RARB: variants seen among roughly 807,000 people sequenced by gnomAD.
The protein encoded by RARB is retinoic acid receptor beta.
RARB carries 17 observed loss-of-function variants against 51.9 expected under a neutral mutation model. That is an observed-to-expected ratio of 0.33 (90% CI 0.22 to 0.49). The LOEUF (loss-of-function observed/expected upper bound fraction) is 0.49. RARB is among the 20% of genes least tolerant of loss of function. The pLI, the probability that RARB is intolerant of heterozygous loss-of-function variation, is 0.99. For synonymous variants in RARB, 215 were observed against 195.4 expected (o/e 1.10, Z -0.84); for missense variants, 369 against 550.8 (o/e 0.67, Z 3.30).
chr3:25,224,741 G>A (rs1244340010), intron 5 of RARB, among the ~76,000 whole-genome samples: 2 of 152,002 alleles, frequency 1.3e-5, no homozygotes, highest in Non-Finnish European at 2.9e-5. Context: ...CCAAGTAGAT[G>A]AGACTACAGG....
Position 24,989,774 on chromosome 3 carries a change from C to CTTTTTTTTTTTTTTTTTTT in RARB, c.-379-70333_-379-70315dup, listed in dbSNP as rs769275874. Among the ~76,000 whole-genome samples, 17 of 29,532 alleles carry CTTTTTTTTTTTTTTTTTTT rather than the reference C, an allele frequency of 5.8e-4. 2 individuals are homozygous for CTTTTTTTTTTTTTTTTTTT. The highest frequency in any genetic ancestry group is 1.2e-3 in the East Asian group (1 of 838). The allele number at this position is 29,532 out of a possible 152,430, so 19.4% of individuals were successfully genotyped here. A position where few individuals can be genotyped will look rare whatever the true frequency, so the allele number is the denominator to read the frequency against. ...ATTTTAACTGTTGTCATATGTTTTTCTTTTTTTTTTTTTTTTTTTTTTTTT... is the reference window on the plus strand; with the variant it reads ...ATTTTAACTGTTGTCATATGTTTTTCTTTTTTTTTTTTTTTTTTTTTTTTTTTTTTTTTTTTTTTTTTTT... On this transcript the variant is annotated intron_variant, in intron 2 of 11. Coordinates refer to the RARB transcript ENST00000383772.
At chr3:24,919,219 C>T (rs1011437084) in intron 2 of RARB, among the ~76,000 whole-genome samples, 2 of 152,206 alleles carry the variant, frequency 1.3e-5, no homozygotes, top group African/African-American at 2.4e-5. Flanking sequence ...TATTTCACTA[C>T]TTTTTGGCTC....
intron 5 of RARB, among the ~76,000 whole-genome samples, chr3:25,417,487 G>A (rs562722018): frequency 6.6e-6 from 1 of 152,272 alleles, no homozygotes; most frequent in East Asian, 1.9e-4. Flanking sequence ...CTGTTCTCCT[G>A]ATAGTGAATA....
At chr3:25,415,914 A>G (rs111396890) in intron 5 of RARB, among the ~76,000 whole-genome samples, 1 of 152,182 alleles carries the variant, frequency 6.6e-6, no homozygotes, top group Non-Finnish European at 1.5e-5. Flanking sequence ...TACTTTTTTT[A>G]TGATAGACAT....
chr3:25,171,651 A>AAAAAAAAAAAC lies in RARB; in HGVS notation c.-279-2466_-279-2456dup, dbSNP rs1700649539. Reference sequence around the variant, plus strand: ...AACCAGTCCCTGGTTGGTAAAAAAAAAAAAAAAAAACAGCTTTAAAAATCA... The same window carrying AAAAAAAAAAAC: ...AACCAGTCCCTGGTTGGTAAAAAAAAAAAAAAAAAACAAAAAAAAAACAGCTTTAAAAATCA... On this transcript the variant is annotated intron_variant, in intron 4 of 11. Transcript: ENST00000383772. Among the ~76,000 whole-genome samples, 6 of 147,202 alleles carry AAAAAAAAAAAC rather than the reference A, an allele frequency of 4.1e-5. 1 individual carries two copies. Among genetic ancestry groups the AAAAAAAAAAAC allele is most frequent in the Admixed American group, 1.4e-4 (2 of 14,758 alleles).
At chr3:25,189,825 C>T (rs534570092) in intron 5 of RARB, among the ~76,000 whole-genome samples, 9 of 152,204 alleles carry the variant, frequency 5.9e-5, no homozygotes, top group African/African-American at 2.2e-4. Context: ...GTAGAGTTTG[C>T]AGTGAGCTGA....
chr3:24,916,268 G>T (rs142991239), intron 2 of RARB, among the ~76,000 whole-genome samples: 70 of 152,150 alleles, frequency 4.6e-4, no homozygotes, highest in African/African-American at 1.5e-3. Context: ...AAAAGAGAAA[G>T]AAAGTTGAAA....
chr3:25,151,607 T>C (rs1285671472), intron 4 of RARB, among the ~76,000 whole-genome samples: 1 of 152,224 alleles, frequency 6.6e-6, no homozygotes, highest in Non-Finnish European at 1.5e-5. Flanking sequence ...TTCAGCATTA[T>C]ATGCGTGTTC....
At position 24,896,002 on chromosome 3, in the gene RARB, T is replaced by A. The variant is rs552233864; in HGVS notation, c.-380+37250T>A. The stretch of plus-strand genomic sequence containing the variant: ...TGAATGGATGAACAAATATTGTCTA[T>A]ACATACAGTGGCATATTGTTTGGCC... On this transcript the variant is annotated intron_variant, in intron 2 of 11. Transcript: ENST00000383772. 1.5e-3 allele frequency among the ~76,000 whole-genome samples: 225 copies of A among 152,332 alleles called. 3 individuals are homozygous for A. Among genetic ancestry groups the A allele is most frequent in the Non-Finnish European group, 7.6e-4 (52 of 68,030 alleles).
chr3:25,186,873 A>G (rs1172719576), intron 5 of RARB, among the ~76,000 whole-genome samples: 3 of 147,454 alleles, frequency 2.0e-5, no homozygotes, highest in East Asian at 2.1e-4. Context: ...AGACCCAAAG[A>G]AAAAGGTAAG....
At chr3:25,494,253 G>GCACACACGCGCACTCACACACACA (rs757972807) in intron 2 of RARB, among the ~76,000 whole-genome samples, 1 of 131,852 alleles carries the variant, frequency 7.6e-6, no homozygotes, top group African/African-American at 2.6e-5. Flanking sequence ...TGTATCTTAC[G>GCACACACGCGCACTCACACACACA]CACACACACA....
intron 2 of RARB, among the ~76,000 whole-genome samples, chr3:24,881,367 C>A (rs1703155811): frequency 6.6e-6 from 1 of 152,132 alleles, no homozygotes; most frequent in Admixed American, 6.5e-5. Context: ...AACTGCTGAA[C>A]TAAGCAATTA....
At chr3:25,347,737 G>A (rs1024970891) in intron 5 of RARB, among the ~76,000 whole-genome samples, 10 of 152,288 alleles carry the variant, frequency 6.6e-5, no homozygotes, top group South Asian at 2.1e-4. Flanking sequence ...ATTTTATGAA[G>A]AAGGGAATCA....
intron 5 of RARB, among the ~76,000 whole-genome samples, chr3:25,387,288 TC>T (rs1347710616): frequency 2.6e-5 from 4 of 152,072 alleles, no homozygotes; most frequent in African/African-American, 9.7e-5. Flanking sequence ...AGAATGAGGA[TC>T]CGGGTCTTTA....
chr3:25,126,371 G>A lies in RARB; in HGVS notation c.-327-5790G>A, dbSNP rs148631599. ...CTGGAAAGGGAAAGAAATCTAGTCAGGTGATTTGAAGCAAGCTTACAGAAA... is the reference window on the plus strand; with the variant it reads ...CTGGAAAGGGAAAGAAATCTAGTCAAGTGATTTGAAGCAAGCTTACAGAAA... On this transcript the variant is annotated intron_variant, in intron 3 of 11. Coordinates refer to the RARB transcript ENST00000383772. Among the ~76,000 whole-genome samples, 376 of 152,052 alleles carry A rather than the reference G, an allele frequency of 2.5e-3. 2 individuals are homozygous for A. Among genetic ancestry groups the A allele is most frequent in the Middle Eastern group, 6.8e-3 (2 of 292 alleles).
intron 2 of RARB, among the ~76,000 whole-genome samples, chr3:24,875,603 G>A (rs1703028710): frequency 6.6e-6 from 1 of 152,066 alleles, no homozygotes; most frequent in Non-Finnish European, 1.5e-5. Flanking sequence ...ACTTCAAAAT[G>A]TTGTTTTAGT....
chr3:25,211,444 A>G (rs1201378116), intron 5 of RARB, among the ~76,000 whole-genome samples: 1 of 152,226 alleles, frequency 6.6e-6, no homozygotes, highest in African/African-American at 2.4e-5. Context: ...TTCCCAGAAT[A>G]TAGTATGTTT....
intron 5 of RARB, among the ~76,000 whole-genome samples, chr3:25,332,406 C>T (rs1387927734): frequency 6.6e-6 from 1 of 152,198 alleles, no homozygotes; most frequent in East Asian, 1.9e-4. Context: ...AGCATATAAA[C>T]AGAACCAATG....
chr3:25,196,518 C>A (rs1209722031), intron 5 of RARB, among the ~76,000 whole-genome samples: 4 of 152,066 alleles, frequency 2.6e-5, no homozygotes, highest in Non-Finnish European at 5.9e-5. Flanking sequence ...GTGAATAGTG[C>A]CGCAATAAAC....
Sources: gnomAD v4.1 joint callset for allele counts (sites outside exome capture counted in the v4.1 genomes callset) on GRCh38, gnomAD v4.1.1 for gene constraint, MANE v1.5 for transcripts, NCBI Gene and HGNC (gene_info 2026-07-23, HGNC 2026-07-21) for gene names.